The following SNTG2 variants were observed in gnomAD, a reference collection of about 807,000 sequenced individuals.
SNTG2 encodes syntrophin gamma 2.
Under a neutral mutation model 70.9 loss-of-function variants are expected in SNTG2, and 74 were observed. The observed-to-expected ratio is 1.04, with a 90% CI of 0.86 to 1.27. SNTG2 has a LOEUF of 1.27. Ranked by LOEUF, SNTG2 falls within the 50% of genes most tolerant of loss-of-function variation. The pLI, the probability that SNTG2 is intolerant of heterozygous loss-of-function variation, is 0.00. For missense variants in SNTG2, 717 were observed against 690.7 expected (o/e 1.04, Z -0.43); for synonymous variants, 278 against 273.8 (o/e 1.02, Z -0.15).
At chr2:977,638 G>T (rs1227492293) in intron 1 of SNTG2, among the ~76,000 whole-genome samples, 2 of 152,228 alleles carry the variant, frequency 1.3e-5, no homozygotes, top group African/African-American at 4.8e-5. Flanking sequence ...TCGTAAGTCA[G>T]GTCTCATCCC....
chr2:1,049,337 ACCCCT>A (rs1305787835), intron 1 of SNTG2, among the ~76,000 whole-genome samples: 4 of 151,682 alleles, frequency 2.6e-5, no homozygotes, highest in Non-Finnish European at 5.9e-5. Context: ...CTCCCTCTCA[ACCCCT>A]GACAGCCACT....
intron 16 of SNTG2, among the ~76,000 whole-genome samples, chr2:1,352,774 A>C (rs1660652234): frequency 1.3e-5 from 2 of 152,200 alleles, no homozygotes; most frequent in South Asian, 2.1e-4. Flanking sequence ...AGGTTATTTA[A>C]ATCTCTGTTT....
At chr2:1,003,133 A>G (rs924796066) in intron 1 of SNTG2, among the ~76,000 whole-genome samples, 2 of 152,166 alleles carry the variant, frequency 1.3e-5, no homozygotes, top group Non-Finnish European at 2.9e-5. Flanking sequence ...AAATTACCTC[A>G]TGGGCACAAT....
rs374240224 is a variant in SNTG2 at position 1,173,111 on chromosome 2, C to T, written c.519C>T (p.Ser173=). 5.0e-5 allele frequency: 81 copies of T among 1,613,822 alleles called. No homozygotes were observed. The highest frequency in any genetic ancestry group is 1.7e-4 in the African/African-American group (13 of 74,914). ...CTGCAGGGTCCCCAGGGCCATCCAGCGACCACAGCAGTGGGGCCTCCTCTC... is the reference window on the plus strand; with the variant it reads ...CTGCAGGGTCCCCAGGGCCATCCAGTGACCACAGCAGTGGGGCCTCCTCTC... ...KLPLGSPGPS[S]DHSSGASSPL... Residue 173 remains serine, a synonymous_variant, in exon 8 of 17, where the codon AGC becomes AGT. Coordinates refer to ENST00000308624, the MANE Select transcript of SNTG2 (RefSeq NM_018968.4).
chr2:1,186,490 T>C (rs1672259746), intron 8 of SNTG2, among the ~76,000 whole-genome samples: 1 of 152,184 alleles, frequency 6.6e-6, no homozygotes, highest in South Asian at 2.1e-4. Flanking sequence ...AACTGGGTAA[T>C]TTATCAAGAA....
At chr2:986,369 G>A (rs905180808) in intron 1 of SNTG2, among the ~76,000 whole-genome samples, 10 of 152,226 alleles carry the variant, frequency 6.6e-5, no homozygotes, top group Non-Finnish European at 4.4e-5. Flanking sequence ...CCTGGAATCA[G>A]GTTTCTGTTT....
intron 1 of SNTG2, among the ~76,000 whole-genome samples, chr2:1,038,891 C>G (rs923724892): frequency 6.6e-6 from 1 of 152,186 alleles, no homozygotes; most frequent in African/African-American, 2.4e-5. Context: ...GTTTTTCATC[C>G]TTTTCCACCT....
intron 13 of SNTG2, among the ~76,000 whole-genome samples, chr2:1,265,989 G>T (rs1285702142): frequency 6.6e-6 from 1 of 152,154 alleles, no homozygotes; most frequent in Admixed American, 6.5e-5. Flanking sequence ...GGCTCTTCAG[G>T]GTGGATCTGT....
intron 9 of SNTG2, among the ~76,000 whole-genome samples, chr2:1,235,634 C>T (rs369474688): frequency 6.0e-5 from 9 of 149,866 alleles, no homozygotes; most frequent in African/African-American, 1.7e-4. Context: ...GAGGCACCCC[C>T]GATTCATGAG....
intron 16 of SNTG2, among the ~76,000 whole-genome samples, chr2:1,337,000 T>C (rs1335871488): frequency 1.3e-5 from 2 of 152,230 alleles, no homozygotes; most frequent in Non-Finnish European, 2.9e-5. Flanking sequence ...AACATGTCAT[T>C]GGAATTTTGA....
rs1293538639 is a variant in SNTG2, at chr2:1,247,308, A to G, written c.889-19A>G. On this transcript the variant is annotated intron_variant, in intron 11 of 16. Transcript: ENST00000308624. Reference sequence around the variant, plus strand: ...ATGCCCTCATTAAGGCTTGGTTTGTAATTTTCACCCCTCTGCAGGTTGTGC... The same window carrying G: ...ATGCCCTCATTAAGGCTTGGTTTGTGATTTTCACCCCTCTGCAGGTTGTGC... 1 of 1,179,164 alleles carries G rather than the reference A, an allele frequency of 8.5e-7. No homozygotes were observed. Among genetic ancestry groups the G allele is most frequent in the Non-Finnish European group, 1.2e-6 (1 of 837,394 alleles). The allele number at this position is 1,179,164 out of a possible 1,614,324, so 73.0% of individuals were successfully genotyped here.
rs545193867 is a variant in SNTG2 at position 1,280,341 on chromosome 2, C to A, written c.1284+12770C>A. Among the ~76,000 whole-genome samples the A allele has an allele frequency of 3.2e-4, 48 of 152,282 alleles. No individual in the cohort carries two copies. In the South Asian group the frequency reaches 8.7e-3, roughly 28 times the overall value. ...AGATTGTCTTCATTATGTACATGAACCTTATCACAATTCTAATTTACCTCA... is the reference window on the plus strand; with the variant it reads ...AGATTGTCTTCATTATGTACATGAAACTTATCACAATTCTAATTTACCTCA... On this transcript the variant is annotated intron_variant, in intron 14 of 16. Coordinates refer to ENST00000308624, the MANE Select transcript of SNTG2 (RefSeq NM_018968.4).
At chr2:1,331,809 A>G (rs189134513) in intron 16 of SNTG2, among the ~76,000 whole-genome samples, 167 of 152,334 alleles carry the variant, frequency 1.1e-3, no homozygotes, top group African/African-American at 3.5e-3. Context: ...AGATGTCTCA[A>G]TGGTGCTCAA....
intron 1 of SNTG2, among the ~76,000 whole-genome samples, chr2:1,001,263 G>A (rs921977093): frequency 2.0e-5 from 3 of 151,994 alleles, no homozygotes; most frequent in Non-Finnish European, 2.9e-5. Flanking sequence ...GAAAGTTTTA[G>A]CCAGATCAGT....
At chr2:1,088,008 C>G (rs1317076218) in intron 2 of SNTG2, among the ~76,000 whole-genome samples, 2 of 152,204 alleles carry the variant, frequency 1.3e-5, no homozygotes, top group Non-Finnish European at 2.9e-5. Context: ...ATATTTCACA[C>G]CCAAGTTGCT....
chr2:1,142,242 C>G (rs2147778852), intron 6 of SNTG2, among the ~76,000 whole-genome samples: 1 of 152,318 alleles, frequency 6.6e-6, no homozygotes, highest in East Asian at 1.9e-4. Flanking sequence ...CCTAAGAGCT[C>G]CATGATCAAT....
chr2:1,101,109 G>A (rs1665754845), intron 4 of SNTG2, among the ~76,000 whole-genome samples: 1 of 152,202 alleles, frequency 6.6e-6, no homozygotes, highest in South Asian at 2.1e-4. Context: ...AGTAACTCCA[G>A]TGTGGTAGCC....
intron 6 of SNTG2, among the ~76,000 whole-genome samples, chr2:1,140,138 G>A (rs60807460): frequency 6.6e-6 from 1 of 152,268 alleles, no homozygotes; most frequent in African/African-American, 2.4e-5. Context: ...AATGTCAGTT[G>A]TACTGAATGC....
Position 991,217 on chromosome 2 carries a change from C to T in SNTG2, c.72+40149C>T, listed in dbSNP as rs188915204. Among the ~76,000 whole-genome samples, 23 of 152,218 alleles carry T rather than the reference C, an allele frequency of 1.5e-4. No homozygotes were observed. In the East Asian group the frequency reaches 4.4e-3, roughly 29 times the overall value. ...AACTGCAGGGATTATAGCTAGTTCT[C>T]CCTGAAAGTCTATGTATTAATGTCT... is the stretch of plus-strand genomic sequence containing the variant. On this transcript the variant is annotated intron_variant, in intron 1 of 16. Coordinates refer to ENST00000308624, the MANE Select transcript of SNTG2 (RefSeq NM_018968.4).
Sources: gnomAD v4.1 joint callset for allele counts (sites outside exome capture counted in the v4.1 genomes callset) on GRCh38, gnomAD v4.1.1 for gene constraint, MANE v1.5 for transcripts, NCBI Gene and HGNC (gene_info 2026-07-23, HGNC 2026-07-21) for gene names.